Variants in TRPM3 observed in about 807,000 individuals in gnomAD.
TRPM3 encodes transient receptor potential cation channel subfamily M member 3.
TRPM3 carries 77 observed loss-of-function variants against 181.2 expected under a neutral mutation model. The observed-to-expected ratio is 0.42, with a 90% CI of 0.35 to 0.51. The LOEUF is 0.51. Among genes scored for constraint, TRPM3 ranks in the 20% least tolerant of loss-of-function variants. The pLI is 0.01. For synonymous variants in TRPM3, 745 were observed against 796.4 expected (o/e 0.94, Z 1.09); for missense variants, 1,759 against 2,196.7 (o/e 0.80, Z 3.98).
At chr9:70,654,768 C>T (rs1048546466) in intron 9 of TRPM3, among the ~76,000 whole-genome samples, 4 of 150,938 alleles carry the variant, frequency 2.7e-5, no homozygotes, top group Non-Finnish European at 1.5e-5. Context: ...CTGCAAGCTC[C>T]GCTTCCTGGG....
chr9:71,420,638 AGAG>A (rs2093715547), intron 1 of TRPM3, among the ~76,000 whole-genome samples: 3 of 135,274 alleles, frequency 2.2e-5, no homozygotes, highest in Non-Finnish European at 5.0e-5. Flanking sequence ...AAAAAGAAAA[AGAG>A]AGAGAAAGAG....
chr9:71,379,031 T>C (rs754707287), intron 1 of TRPM3, among the ~76,000 whole-genome samples: 1 of 151,980 alleles, frequency 6.6e-6, no homozygotes, highest in Non-Finnish European at 1.5e-5. Context: ...AAAACCAGTA[T>C]TGTCTCCATT....
At chr9:70,633,334 G>C (rs1021482586) in intron 12 of TRPM3, among the ~76,000 whole-genome samples, 1 of 152,180 alleles carries the variant, frequency 6.6e-6, no homozygotes, top group Non-Finnish European at 1.5e-5. Flanking sequence ...TTTTAAGCCA[G>C]GATGAATTAG....
chr9:71,244,582 C>A (rs2081925792), intron 1 of TRPM3, among the ~76,000 whole-genome samples: 1 of 152,188 alleles, frequency 6.6e-6, no homozygotes, highest in Non-Finnish European at 1.5e-5. Flanking sequence ...GGGAACCAAC[C>A]AGTACATTGG....
intron 1 of TRPM3, among the ~76,000 whole-genome samples, chr9:71,343,934 A>G (rs990710914): frequency 3.3e-5 from 5 of 152,188 alleles, no homozygotes; most frequent in African/African-American, 1.2e-4. Flanking sequence ...CCTACTGGCC[A>G]TATCTGGGAC....
intron 8 of TRPM3, among the ~76,000 whole-genome samples, chr9:70,698,531 T>C (rs2134624305): frequency 6.6e-6 from 1 of 152,336 alleles, no homozygotes; most frequent in East Asian, 1.9e-4. Flanking sequence ...TATTACTGAA[T>C]TATACAGTAA....
rs866381416 is a variant in TRPM3 at position 71,265,080 on chromosome 9, C to T, written c.183+181573G>A. Reference sequence around the variant, plus strand: ...CCCACTTAGTTTTCTTAAATTCAAGCATGAGATCTTCAATATTTTAACAGA... The same window carrying T: ...CCCACTTAGTTTTCTTAAATTCAAGTATGAGATCTTCAATATTTTAACAGA... On this transcript the variant is annotated intron_variant, in intron 1 of 24. Coordinates refer to the TRPM3 transcript ENST00000357533. Among the ~76,000 whole-genome samples the T allele has an allele frequency of 1.1e-4, 16 of 152,170 alleles. 1 individual carries two copies. In the Middle Eastern group the frequency reaches 0.01, roughly 97 times the overall value.
At chr9:70,835,580 G>A (rs1043774311) in intron 5 of TRPM3, among the ~76,000 whole-genome samples, 3 of 151,788 alleles carry the variant, frequency 2.0e-5, no homozygotes, top group South Asian at 2.1e-4. Context: ...CCTTTGACCC[G>A]AATACCATCC....
At chr9:70,938,030 C>G (rs1300559263) in intron 1 of TRPM3, among the ~76,000 whole-genome samples, 2 of 152,168 alleles carry the variant, frequency 1.3e-5, no homozygotes, top group Admixed American at 6.5e-5. Flanking sequence ...AATAAGCAAG[C>G]AGCAGTTTGC....
At chr9:71,378,134 C>T (rs2092709880) in intron 1 of TRPM3, among the ~76,000 whole-genome samples, 1 of 151,898 alleles carries the variant, frequency 6.6e-6, no homozygotes, top group African/African-American at 2.4e-5. Context: ...GACAACCCTA[C>T]AGAAAAATAA....
chr9:71,097,614 G>A (rs538898364), intron 1 of TRPM3, among the ~76,000 whole-genome samples: 137 of 149,848 alleles, frequency 9.1e-4, no homozygotes, highest in African/African-American at 3.2e-3. Flanking sequence ...TTCCATATAG[G>A]ACCAAAAAAA....
At chr9:71,378,628 A>T (rs1358967760) in intron 1 of TRPM3, among the ~76,000 whole-genome samples, 1 of 152,018 alleles carries the variant, frequency 6.6e-6, no homozygotes, top group African/African-American at 2.4e-5. Flanking sequence ...TTTCACTCAG[A>T]TGCTTCCTCT....
chr9:70,657,074 A>G (rs1292266350), intron 9 of TRPM3, among the ~76,000 whole-genome samples: 2 of 151,930 alleles, frequency 1.3e-5, no homozygotes, highest in Non-Finnish European at 2.9e-5. Context: ...AATATCATGA[A>G]CAATCTGTAT....
At chr9:71,038,188 C>T (rs570492886) in intron 1 of TRPM3, among the ~76,000 whole-genome samples, 131 of 152,254 alleles carry the variant, frequency 8.6e-4, no homozygotes, top group African/African-American at 2.8e-3. Context: ...AGTGAAGAAG[C>T]GCATATTAGG....
At chr9:71,297,709 G>C (rs1159301302) in intron 1 of TRPM3, among the ~76,000 whole-genome samples, 1 of 152,122 alleles carries the variant, frequency 6.6e-6, no homozygotes, top group Non-Finnish European at 1.5e-5. Context: ...ATGAGATATG[G>C]GTTGGGACAC....
intron 8 of TRPM3, among the ~76,000 whole-genome samples, chr9:70,756,079 A>G (rs1186959490): frequency 6.6e-6 from 1 of 152,208 alleles, no homozygotes; most frequent in East Asian, 1.9e-4. Flanking sequence ...ATGCAAAGAC[A>G]CACATAGGCT....
intron 9 of TRPM3, among the ~76,000 whole-genome samples, chr9:70,661,234 A>C (rs1182233583): frequency 6.6e-6 from 1 of 152,184 alleles, no homozygotes; most frequent in African/African-American, 2.4e-5. Flanking sequence ...GATAAAATCT[A>C]GCATGACTTT....
At chr9:71,237,069 G>GGA (rs369179193) in intron 1 of TRPM3, among the ~76,000 whole-genome samples, 4 of 134,178 alleles carry the variant, frequency 3.0e-5, no homozygotes, top group East Asian at 4.3e-4. Context: ...AAGGGGGGGG[G>GGA]AAAAAAAGAA....
intron 1 of TRPM3, among the ~76,000 whole-genome samples, chr9:71,329,892 G>A (rs2089987215): frequency 6.6e-6 from 1 of 152,140 alleles, no homozygotes; most frequent in Non-Finnish European, 1.5e-5. Context: ...AAGCACTCAT[G>A]AACCCTTGTA....
Sources: allele counts gnomAD v4.1 joint callset (sites outside exome capture counted in the v4.1 genomes callset), GRCh38; gene constraint gnomAD v4.1.1; transcripts MANE v1.5; gene names NCBI Gene and HGNC (gene_info 2026-07-23, HGNC 2026-07-21).